Variants in S100Z observed in about 807,000 individuals in gnomAD.
S100Z encodes protein S100-Z.
S100Z carries 11 observed loss-of-function variants against 8.5 expected under a neutral mutation model. That is an observed-to-expected ratio of 1.30 (90% CI 0.82 to 2.15). S100Z has a LOEUF of 2.15. Ranked by LOEUF, S100Z falls within the 30% of genes most tolerant of loss-of-function variation. The probability of loss-of-function intolerance (pLI) is 0.00; values close to 1 mark genes in which losing one functional copy is unlikely to be tolerated. For missense variants in S100Z, 126 were observed against 117.9 expected, an observed-to-expected ratio of 1.07 and a Z score of -0.32; for synonymous variants, 34 against 43.8, an observed-to-expected ratio of 0.78 and a Z score of 0.89.
At chr5:76,908,851 G>C (rs2150677896) in intron 4 of S100Z, among the ~76,000 whole-genome samples, 1 of 152,234 alleles carries the variant, frequency 6.6e-6, no homozygotes, top group East Asian at 1.9e-4. Context: ...AGAATGCTTA[G>C]GACTCTAACA....
At chr5:76,880,644 G>A (rs925305316) in intron 4 of S100Z, among the ~76,000 whole-genome samples, 3 of 152,138 alleles carry the variant, frequency 2.0e-5, no homozygotes, top group African/African-American at 7.2e-5. Flanking sequence ...ATAAGAGAAG[G>A]AGAAAAACAG....
intron 1 of S100Z, among the ~76,000 whole-genome samples, chr5:76,860,666 A>G (rs1166423283): frequency 6.6e-6 from 1 of 152,212 alleles, no homozygotes; most frequent in East Asian, 1.9e-4. Flanking sequence ...GGAATCAGAA[A>G]CAATGATTTT....
chr5:76,917,605 T>C (rs1017246464), intron 4 of S100Z, among the ~76,000 whole-genome samples: 1 of 152,030 alleles, frequency 6.6e-6, no homozygotes, highest in Non-Finnish European at 1.5e-5. Flanking sequence ...GTTGGATCAC[T>C]TGAGGCCAGG....
chr5:76,928,642 CAGA>C, the S100Z span, among the ~76,000 whole-genome samples: 5 of 152,216 alleles, frequency 3.3e-5, no homozygotes, highest in Non-Finnish European at 7.3e-5. Context: ...CAGTAAAAAA[CAGA>C]AGGTCTTTTC....
chr5:76,949,974 CAATAA>C, the S100Z span, among the ~76,000 whole-genome samples: 1 of 137,138 alleles, frequency 7.3e-6, no homozygotes, highest in Non-Finnish European at 1.6e-5. Context: ...CTTCTTACCA[CAATAA>C]AATAAAAATA....
At chr5:76,915,512 G>T (rs1270134729) in intron 4 of S100Z, among the ~76,000 whole-genome samples, 1 of 151,948 alleles carries the variant, frequency 6.6e-6, no homozygotes, top group Admixed American at 6.6e-5. Flanking sequence ...GGAGGCTAAG[G>T]CAGGAGAATG....
At chr5:76,898,828 T>A (rs2150668244) in intron 4 of S100Z, among the ~76,000 whole-genome samples, 1 of 152,284 alleles carries the variant, frequency 6.6e-6, no homozygotes, top group South Asian at 2.1e-4. Flanking sequence ...TTTAGGAGTG[T>A]TTCCTCCTCT....
At chr5:76,945,968 A>G in the S100Z span, among the ~76,000 whole-genome samples, 1 of 152,192 alleles carries the variant, frequency 6.6e-6, no homozygotes, top group Non-Finnish European at 1.5e-5. Context: ...AGGTACTCCA[A>G]AGGCCATTGT....
intron 1 of S100Z, 56 bp from the exon 2 acceptor site, chr5:76,870,110 C>T (rs1742953318): frequency 6.6e-6 from 1 of 151,996 alleles, no homozygotes; most frequent in African/African-American, 2.4e-5. Context: ...TGCTTAGGTC[C>T]CGTGAGATAA....
rs903437566 is a variant in S100Z, at chr5:76,865,995, A to G, written c.-175-4171A>G. On this transcript the variant is annotated intron_variant, in intron 1 of 4. Coordinates refer to ENST00000317593, the MANE Select transcript of S100Z (RefSeq NM_130772.4). Reference sequence around the variant, plus strand: ...ACACCACTGCACTCCAGCCTGGGCGACAGAGTGAGACTCCATCTCAAAGAA... The same window carrying G: ...ACACCACTGCACTCCAGCCTGGGCGGCAGAGTGAGACTCCATCTCAAAGAA... Among the ~76,000 whole-genome samples the G allele has an allele frequency of 2.7e-5, 4 of 150,896 alleles. No homozygotes were observed. In the Middle Eastern group the frequency reaches 0.01, roughly 396 times the overall value.
intron 1 of S100Z, among the ~76,000 whole-genome samples, chr5:76,866,993 AT>A (rs1373251619): frequency 6.6e-6 from 1 of 152,094 alleles, no homozygotes; most frequent in Non-Finnish European, 1.5e-5. Context: ...TGGCTGCATG[AT>A]TTTATCTTTT....
the S100Z span, among the ~76,000 whole-genome samples, chr5:76,927,289 T>A: frequency 6.6e-6 from 1 of 152,050 alleles, no homozygotes; most frequent in Non-Finnish European, 1.5e-5. Flanking sequence ...TGGCCCTACC[T>A]CTCCACCTTC....
At chr5:76,876,447 C>T (rs1050781082) in intron 3 of S100Z, among the ~76,000 whole-genome samples, 1 of 151,676 alleles carries the variant, frequency 6.6e-6, no homozygotes, top group Non-Finnish European at 1.5e-5. Flanking sequence ...CGGCTCACTG[C>T]AATCTCCACC....
intron 4 of S100Z, among the ~76,000 whole-genome samples, chr5:76,882,295 A>G (rs1580017568): frequency 6.6e-6 from 1 of 152,182 alleles, no homozygotes; most frequent in South Asian, 2.1e-4. Flanking sequence ...AGTAAGGTCA[A>G]GTTGTTTGGA....
chr5:76,916,583 A>T (rs1309877332), intron 4 of S100Z, among the ~76,000 whole-genome samples: 1 of 152,032 alleles, frequency 6.6e-6, no homozygotes, highest in Non-Finnish European at 1.5e-5. Flanking sequence ...AAATCCTAAG[A>T]GTGTGTTTTC....
chr5:76,923,541 G>C (rs997375723), downstream of S100Z, among the ~76,000 whole-genome samples: 2 of 152,040 alleles, frequency 1.3e-5, no homozygotes, highest in African/African-American at 4.8e-5. Context: ...AGGCTAGAGG[G>C]GTGGGAGGGC....
chr5:76,882,319 G>T (rs1195551858), intron 4 of S100Z, among the ~76,000 whole-genome samples: 3 of 152,176 alleles, frequency 2.0e-5, no homozygotes, highest in Admixed American at 2.0e-4. Flanking sequence ...AAAGGCTACA[G>T]GGCGCAGTCC....
intron 1 of S100Z, among the ~76,000 whole-genome samples, chr5:76,866,783 A>G (rs928626008): frequency 6.6e-6 from 1 of 152,208 alleles, no homozygotes; most frequent in Non-Finnish European, 1.5e-5. Context: ...ATGTTCACAC[A>G]ATGACAAAAT....
the S100Z span, among the ~76,000 whole-genome samples, chr5:76,931,028 C>G: frequency 6.6e-6 from 1 of 151,964 alleles, no homozygotes; most frequent in Non-Finnish European, 1.5e-5. Flanking sequence ...GGGTATGGAA[C>G]AGGTATTCTT....
Sources: gnomAD v4.1 joint callset for allele counts (sites outside exome capture counted in the v4.1 genomes callset) on GRCh38, gnomAD v4.1.1 for gene constraint, MANE v1.5 for transcripts, NCBI Gene and HGNC (gene_info 2026-07-23, HGNC 2026-07-21) for gene names.